TMEM108: variants seen among roughly 807,000 people sequenced by gnomAD.
The protein encoded by TMEM108 is transmembrane protein 108.
In TMEM108, 12 loss-of-function variants were observed where a neutral mutation model predicts 35.1. The observed-to-expected ratio is 0.34, with a 90% CI of 0.22 to 0.55. TMEM108 has a LOEUF of 0.55. TMEM108 is among the 20% of genes least tolerant of loss of function. The pLI, the probability that TMEM108 is intolerant of heterozygous loss-of-function variation, is 0.89. For missense variants in TMEM108, 680 were observed against 753.3 expected (o/e 0.90, Z 1.14); for synonymous variants, 287 against 308.6 (o/e 0.93, Z 0.73).
At chr3:133,064,008 G>A (rs1294472928) in intron 2 of TMEM108, among the ~76,000 whole-genome samples, 1 of 152,104 alleles carries the variant, frequency 6.6e-6, no homozygotes, top group East Asian at 1.9e-4. Context: ...TGCCCAGTGA[G>A]GATCCTTCAT....
intron 3 of TMEM108, among the ~76,000 whole-genome samples, chr3:133,369,157 C>T (rs972397373): frequency 6.6e-6 from 1 of 152,190 alleles, no homozygotes; most frequent in Non-Finnish European, 1.5e-5. Flanking sequence ...TGCCCTCTAC[C>T]GAAGGTCTCT....
At chr3:133,209,458 C>A (rs1298864803) in intron 2 of TMEM108, among the ~76,000 whole-genome samples, 2 of 152,098 alleles carry the variant, frequency 1.3e-5, no homozygotes, top group Admixed American at 6.6e-5. Flanking sequence ...TAGTCTCTCT[C>A]CATGCCATGC....
At chr3:133,200,916 C>T (rs888933928) in intron 2 of TMEM108, among the ~76,000 whole-genome samples, 54 of 152,188 alleles carry the variant, frequency 3.5e-4, no homozygotes, top group African/African-American at 1.3e-3. Flanking sequence ...TAGCTAGTAG[C>T]TACTCTATTG....
intron 3 of TMEM108, among the ~76,000 whole-genome samples, chr3:133,312,917 C>A (rs868722454): frequency 6.6e-6 from 1 of 152,190 alleles, no homozygotes; most frequent in African/African-American, 2.4e-5. Flanking sequence ...TCTTACAGAA[C>A]CACAGTAGAA....
intron 3 of TMEM108, among the ~76,000 whole-genome samples, chr3:133,345,822 A>G (rs1368572843): frequency 1.3e-5 from 2 of 151,982 alleles, no homozygotes; most frequent in Non-Finnish European, 2.9e-5. Context: ...TAGAATGCTG[A>G]TTAACAGATA....
chr3:133,292,371 C>A (rs1297614014), intron 3 of TMEM108, among the ~76,000 whole-genome samples: 1 of 152,212 alleles, frequency 6.6e-6, no homozygotes, highest in Non-Finnish European at 1.5e-5. Flanking sequence ...ATTGTTTTTA[C>A]CTCACAAAGT....
chr3:133,384,180 A>G (rs987750584), intron 4 of TMEM108, among the ~76,000 whole-genome samples: 1 of 152,218 alleles, frequency 6.6e-6, no homozygotes, highest in African/African-American at 2.4e-5. Context: ...GCTACTCTAC[A>G]GACCTCAAAG....
intron 3 of TMEM108, chr3:133,248,707 T>G (rs1294609756): frequency 1.3e-5 from 2 of 152,312 alleles, no homozygotes; most frequent in East Asian, 3.9e-4. Flanking sequence ...ATTATGGCAG[T>G]GGGTTATTCC....
At chr3:133,236,725 A>T (rs1946242974) in intron 3 of TMEM108, among the ~76,000 whole-genome samples, 1 of 152,092 alleles carries the variant, frequency 6.6e-6, no homozygotes, top group Non-Finnish European at 1.5e-5. Flanking sequence ...TCTTTCTTCC[A>T]GTTACTTCTT....
At position 133,304,912 on chromosome 3, in the gene TMEM108, T is replaced by C. The variant is rs965685902; in HGVS notation, c.41-74840T>C. 3.3e-5 allele frequency among the ~76,000 whole-genome samples: 5 copies of C among 152,050 alleles called. No individual in the cohort carries two copies. The Middle Eastern group carries it at 0.014, about 414-fold the overall frequency. On this transcript the variant is annotated intron_variant, in intron 3 of 5. Coordinates refer to ENST00000321871, the MANE Select transcript of TMEM108 (RefSeq NM_023943.4). ...GCTTGACCAACATAGAGAAACCTTCTCTCTACTAAAAAATACAAAAATCAA... is the reference window on the plus strand; with the variant it reads ...GCTTGACCAACATAGAGAAACCTTCCCTCTACTAAAAAATACAAAAATCAA...
At position 133,199,105 on chromosome 3, in the gene TMEM108, A is replaced by T. The variant is rs562539111; in HGVS notation, c.-46-30161A>T. Among the ~76,000 whole-genome samples the T allele has an allele frequency of 2.0e-4, 30 of 152,182 alleles. 1 individual carries two copies. The highest frequency in any genetic ancestry group is 7.0e-4 in the African/African-American group (29 of 41,526). ...AGCTACTGAAGGTTGTGCATTCGTC[A>T]CCTAGTTCTTGTGCCATGGTTTTCA... On this transcript the variant is annotated intron_variant, in intron 2 of 5. Coordinates refer to ENST00000321871, the MANE Select transcript of TMEM108 (RefSeq NM_023943.4).
intron 3 of TMEM108, among the ~76,000 whole-genome samples, chr3:133,237,152 T>G (rs1946250369): frequency 6.9e-6 from 1 of 144,722 alleles, no homozygotes; most frequent in African/African-American, 2.4e-5. Flanking sequence ...GCTGGCTCAT[T>G]TCTTCTTCCT....
At chr3:133,232,750 T>C (rs1374733639) in intron 3 of TMEM108, among the ~76,000 whole-genome samples, 1 of 152,212 alleles carries the variant, frequency 6.6e-6, no homozygotes, top group Non-Finnish European at 1.5e-5. Context: ...TGTTTTTATT[T>C]CCTGAGCTCT....
At chr3:133,331,966 C>CT (rs1304674832) in intron 3 of TMEM108, among the ~76,000 whole-genome samples, 1 of 152,178 alleles carries the variant, frequency 6.6e-6, no homozygotes, top group Non-Finnish European at 1.5e-5. Context: ...CATAGTCACA[C>CT]TTAGGGGACT....
At chr3:133,059,005 G>A (rs1943505732) in intron 2 of TMEM108, among the ~76,000 whole-genome samples, 1 of 152,214 alleles carries the variant, frequency 6.6e-6, no homozygotes, top group African/African-American at 2.4e-5. Flanking sequence ...TGAGATCAGG[G>A]TGCCAGCATG....
intron 2 of TMEM108, among the ~76,000 whole-genome samples, chr3:133,087,963 T>C (rs1327691209): frequency 6.6e-6 from 1 of 152,156 alleles, no homozygotes; most frequent in African/African-American, 2.4e-5. Flanking sequence ...GAGATGCAGA[T>C]GAATACTATA....
intron 3 of TMEM108, among the ~76,000 whole-genome samples, chr3:133,280,493 T>C (rs1482240335): frequency 6.6e-6 from 1 of 152,162 alleles, no homozygotes. Flanking sequence ...TTCAAGAAAA[T>C]TTTTATTCTA....
At chr3:133,154,053 A>T (rs971489077) in intron 2 of TMEM108, among the ~76,000 whole-genome samples, 15 of 152,092 alleles carry the variant, frequency 9.9e-5, no homozygotes, top group African/African-American at 1.9e-4. Context: ...TTAAAAAAAA[A>T]TTTTCATGTG....
intron 3 of TMEM108, among the ~76,000 whole-genome samples, chr3:133,234,739 A>T (rs1332513793): frequency 1.3e-5 from 2 of 152,260 alleles, no homozygotes; most frequent in East Asian, 3.9e-4. Context: ...TAGTGTTGGA[A>T]GTTCTGGTCA....
Sources: gnomAD v4.1 joint callset for allele counts (sites outside exome capture counted in the v4.1 genomes callset) on GRCh38, gnomAD v4.1.1 for gene constraint, MANE v1.5 for transcripts, NCBI Gene and HGNC (gene_info 2026-07-23, HGNC 2026-07-21) for gene names.